Variants in ZRANB3 observed in about 807,000 individuals in gnomAD.
ZRANB3 encodes the protein DNA annealing helicase and endonuclease ZRANB3.
ZRANB3 carries 125 observed loss-of-function variants against 133.8 expected under a neutral mutation model. The observed-to-expected ratio is 0.93, with a 90% CI of 0.81 to 1.08. The LOEUF is 1.08. ZRANB3 is among the 50% of genes least tolerant of loss of function. The pLI is 0.00. For synonymous variants in ZRANB3, 387 were observed against 432.7 expected (o/e 0.89, Z 1.31); for missense variants, 1,229 against 1,275.5 (o/e 0.96, Z 0.56).
At chr2:135,385,435 C>T (rs1286259791) in intron 3 of ZRANB3, among the ~76,000 whole-genome samples, 1 of 152,130 alleles carries the variant, frequency 6.6e-6, no homozygotes, top group Non-Finnish European at 1.5e-5. Context: ...TTTATAGATT[C>T]AATGCCACCC....
intron 2 of ZRANB3, among the ~76,000 whole-genome samples, chr2:135,443,195 T>TA (rs1217942713): frequency 1.3e-5 from 2 of 150,914 alleles, no homozygotes; most frequent in Non-Finnish European, 3.0e-5. Context: ...TATGCAGCCA[T>TA]AAAAAAGGAC....
intron 17 of ZRANB3, among the ~76,000 whole-genome samples, chr2:135,215,094 G>T (rs1156468872): frequency 1.3e-5 from 2 of 151,346 alleles, no homozygotes; most frequent in Admixed American, 6.6e-5. Flanking sequence ...TTTTTTTGGG[G>T]TTTTGTGGAG....
intron 12 of ZRANB3, 76 bp downstream of exon 12, chr2:135,265,457 TA>T: frequency 2.9e-6 from 4 of 1,387,308 alleles, no homozygotes; most frequent in Non-Finnish European, 3.8e-6. Flanking sequence ...TGAGAGTTGC[TA>T]TTTAAAACCA....
chr2:135,403,979 A>C (rs558294455), intron 2 of ZRANB3, among the ~76,000 whole-genome samples: 1 of 152,312 alleles, frequency 6.6e-6, no homozygotes, highest in East Asian at 1.9e-4. Context: ...GACCAAAGGT[A>C]GATAAAACCA....
intron 8 of ZRANB3, among the ~76,000 whole-genome samples, chr2:135,307,689 G>A (rs571997986): frequency 7.9e-5 from 12 of 152,022 alleles, no homozygotes; most frequent in Non-Finnish European, 1.6e-4. Flanking sequence ...GGAGTTATGT[G>A]TAGAAGGATA....
chr2:135,472,158 A>T (rs2104781388), intron 2 of ZRANB3, among the ~76,000 whole-genome samples: 1 of 152,340 alleles, frequency 6.6e-6, no homozygotes, highest in South Asian at 2.1e-4. Context: ...ATAGTATATG[A>T]ATAATTTCTA....
At chr2:135,237,159 A>C (rs1695326342) in intron 12 of ZRANB3, among the ~76,000 whole-genome samples, 1 of 152,172 alleles carries the variant, frequency 6.6e-6, no homozygotes, top group African/African-American at 2.4e-5. Context: ...TCAAAAGAAG[A>C]CATTTATGCA....
chr2:135,197,241 T>C lies in ZRANB3; in HGVS notation c.*3101A>G, dbSNP rs1693447293. ...CATTATTTTTATAATTTATTTTTGA[T>C]GTTTGATATCCATGATTCTGTATCC... On this transcript the variant is annotated 3_prime_UTR_variant, in exon 21 of 21. Coordinates refer to ENST00000264159, the MANE Select transcript of ZRANB3 (RefSeq NM_032143.4). 6.6e-6 allele frequency: 1 copy of C among 152,232 alleles called. No homozygotes were observed. The highest frequency in any genetic ancestry group is 2.1e-4 in the South Asian group (1 of 4,828). 9.4% of individuals were successfully genotyped at this position (152,232 alleles called of 1,614,324 possible).
chr2:135,445,122 G>C (rs1241586303), intron 2 of ZRANB3, among the ~76,000 whole-genome samples: 1 of 152,136 alleles, frequency 6.6e-6, no homozygotes, highest in South Asian at 2.1e-4. Flanking sequence ...GCAGTCAAGA[G>C]TAGGCTGGTT....
chr2:135,353,066 C>G (rs1167679060), intron 4 of ZRANB3, among the ~76,000 whole-genome samples: 2 of 152,022 alleles, frequency 1.3e-5, no homozygotes, highest in Non-Finnish European at 2.9e-5. Flanking sequence ...AATTGGAAAG[C>G]AAAATCCACT....
At chr2:135,430,755 T>C (rs1184949893) in intron 2 of ZRANB3, among the ~76,000 whole-genome samples, 1 of 152,198 alleles carries the variant, frequency 6.6e-6, no homozygotes, top group Non-Finnish European at 1.5e-5. Context: ...TGAAAAATCA[T>C]CCATATATGG....
chr2:135,306,287 T>A (rs1456728509), intron 8 of ZRANB3, among the ~76,000 whole-genome samples: 1 of 143,432 alleles, frequency 7.0e-6, no homozygotes, highest in East Asian at 2.0e-4. Flanking sequence ...CTGACTGATT[T>A]TTTTTTTTTT....
chr2:135,275,156 G>A (rs2105125395), intron 9 of ZRANB3, among the ~76,000 whole-genome samples: 1 of 152,318 alleles, frequency 6.6e-6, no homozygotes, highest in African/African-American at 2.4e-5. Context: ...CCCAGACGGG[G>A]TGGCGGCTGG....
intron 7 of ZRANB3, among the ~76,000 whole-genome samples, chr2:135,314,590 T>A (rs1268420616): frequency 6.6e-6 from 1 of 152,180 alleles, no homozygotes; most frequent in African/African-American, 2.4e-5. Flanking sequence ...ATATACTGAA[T>A]TTCACGTCTT....
chr2:135,283,835 A>G (rs1681214083), intron 8 of ZRANB3, among the ~76,000 whole-genome samples: 1 of 151,950 alleles, frequency 6.6e-6, no homozygotes, highest in Non-Finnish European at 1.5e-5. Context: ...ACTAATAGGA[A>G]GCCAGGCATG....
chr2:135,450,617 C>T (rs1353365082), intron 2 of ZRANB3, among the ~76,000 whole-genome samples: 2 of 151,992 alleles, frequency 1.3e-5, no homozygotes, highest in African/African-American at 4.8e-5. Flanking sequence ...AACCCTCTAT[C>T]TAAATCTGAA....
chr2:135,280,079 A>T (rs1375099868), intron 8 of ZRANB3, among the ~76,000 whole-genome samples: 1 of 152,236 alleles, frequency 6.6e-6, no homozygotes, highest in Admixed American at 6.5e-5. Flanking sequence ...GATCTTAAGT[A>T]CATAGTATGT....
At chr2:135,239,242 G>T (rs749988906) in intron 12 of ZRANB3, among the ~76,000 whole-genome samples, 1 of 152,166 alleles carries the variant, frequency 6.6e-6, no homozygotes, top group Non-Finnish European at 1.5e-5. Flanking sequence ...ACCAGAGGCT[G>T]GAGGGGAAGG....
intron 8 of ZRANB3, among the ~76,000 whole-genome samples, chr2:135,303,554 T>C (rs971858364): frequency 6.6e-6 from 1 of 152,158 alleles, no homozygotes; most frequent in African/African-American, 2.4e-5. Flanking sequence ...CTGGACTCTC[T>C]TTTTCTGATT....
Sources: allele counts gnomAD v4.1 joint callset (sites outside exome capture counted in the v4.1 genomes callset), GRCh38; gene constraint gnomAD v4.1.1; transcripts MANE v1.5; gene names NCBI Gene and HGNC (gene_info 2026-07-23, HGNC 2026-07-21).